Variants in ZFP30 observed in about 807,000 individuals in gnomAD.
The protein encoded by ZFP30 is zinc finger protein 30 homolog.
A neutral mutation model predicts 12.3 loss-of-function variants in ZFP30; 16 were observed. The observed-to-expected ratio is 1.30, with a 90% CI of 0.88 to 1.98. The LOEUF (loss-of-function observed/expected upper bound fraction) is 1.98, where lower values mean the gene tolerates loss of function less well. Among genes scored for constraint, ZFP30 ranks in the 30% most tolerant of loss-of-function variants. ZFP30 has a pLI of 0.00. For missense variants in ZFP30, 560 were observed against 611.2 expected (o/e 0.92, Z 0.88); for synonymous variants, 172 against 201.0 (o/e 0.86, Z 1.22).
intron 3 of ZFP30, 61 bp from the exon 4 acceptor site, chr19:37,644,797 A>G: frequency 1.3e-6 from 2 of 1,548,720 alleles, no homozygotes. Flanking sequence ...AAGATGGAAG[A>G]AGGTGGCTGG....
At chr19:37,650,437 T>C (rs1277009074) in intron 2 of ZFP30, among the ~76,000 whole-genome samples, 2 of 152,152 alleles carry the variant, frequency 1.3e-5, no homozygotes, top group African/African-American at 4.8e-5. Context: ...TTATCACTTA[T>C]ACCTGAACAA....
intron 5 of ZFP30, among the ~76,000 whole-genome samples, chr19:37,640,198 G>A (rs1858542582): frequency 6.6e-6 from 1 of 151,972 alleles, no homozygotes; most frequent in Admixed American, 6.6e-5. Context: ...TTACATTCCT[G>A]TTCTACTTCA....
At chr19:37,654,589 G>T (rs1178543395) in intron 2 of ZFP30, 123 bp downstream of exon 2, 5 of 152,138 alleles carry the variant, frequency 3.3e-5, no homozygotes, top group African/African-American at 1.2e-4. Flanking sequence ...GTCCCCTGCC[G>T]TTAACTAGGT....
Position 37,632,301 on chromosome 19 carries a change from T to C in ZFP30, c.*2680A>G, listed in dbSNP as rs2044246251. ...TAGTGTGTGTATAAATATAAATATA[T>C]ATACCTACACACTATACACACACAC... On this transcript the variant is annotated 3_prime_UTR_variant, in exon 6 of 6. Coordinates refer to ENST00000684514, the MANE Select transcript of ZFP30 (RefSeq NM_001320669.3). The C allele has an allele frequency of 6.6e-6, 1 of 152,056 alleles. No homozygotes were observed. Among genetic ancestry groups the C allele is most frequent in the African/African-American group, 2.4e-5 (1 of 41,416 alleles). The allele number at this position is 152,056 out of a possible 1,614,324, so 9.4% of individuals were successfully genotyped here.
At chr19:37,655,321 C>G (rs1445494621) in intron 1 of ZFP30, 99 bp downstream of exon 1, 9 of 152,400 alleles carry the variant, frequency 5.9e-5, no homozygotes, top group African/African-American at 2.2e-4. Flanking sequence ...AACCTTTTCT[C>G]CACCTTGGCC....
At chr19:37,637,164 G>A (rs574611890) in intron 5 of ZFP30, among the ~76,000 whole-genome samples, 91 of 139,254 alleles carry the variant, frequency 6.5e-4, no homozygotes, top group Admixed American at 1.2e-3. Context: ...TATATCCTTT[G>A]TTTTCTATCC....
chr19:37,651,579 A>AAC (rs2044653255), intron 2 of ZFP30: 1 of 151,830 alleles, frequency 6.6e-6, no homozygotes, highest in Non-Finnish European at 1.5e-5. Flanking sequence ...CCATCTCAAA[A>AAC]AAAAAAAAAA....
intron 5 of ZFP30, among the ~76,000 whole-genome samples, chr19:37,640,441 T>C (rs2044411586): frequency 6.7e-6 from 1 of 149,798 alleles, no homozygotes; most frequent in Non-Finnish European, 1.5e-5. Context: ...TATTAACTAA[T>C]AAAATTAATA....
At chr19:37,652,759 A>G (rs1262065298) in intron 2 of ZFP30, among the ~76,000 whole-genome samples, 1 of 152,182 alleles carries the variant, frequency 6.6e-6, no homozygotes, top group East Asian at 1.9e-4. Flanking sequence ...GTCATCAGAA[A>G]TATTTTAAAA....
In ZFP30 at chr19:37,635,174, T is replaced by C; in HGVS notation, c.1367A>G (p.His456Arg). ...CTTTTCACCAGTATGAATACTTTGA[T>C]GTTGGGTAAGTTGTGAAAGCAGTCT... is the stretch of plus-strand genomic sequence containing the variant. ...TFRLLSQLTQ[H>R]QSIHTGEKPY... Residue 456 changes from histidine (H) to arginine (R), a missense_variant, in exon 6 of 6, where the codon CAT (histidine) becomes CGT (arginine). By Grantham distance (29) the His-to-Arg change is conservative. Transcript: ENST00000684514. 1 of 1,612,246 alleles carries C rather than the reference T, an allele frequency of 6.2e-7. No homozygotes were observed. The highest frequency in any genetic ancestry group is 8.5e-7 in the Non-Finnish European group (1 of 1,178,960).
Position 37,635,657 on chromosome 19 carries a change from T to C in ZFP30, c.884A>G (p.Glu295Gly), listed in dbSNP as rs550953131. 6.2e-7 allele frequency: 1 copy of C among 1,614,188 alleles called. No homozygotes were observed. The highest frequency in any genetic ancestry group is 1.1e-5 in the South Asian group (1 of 91,078). ...LTRHQRLNIA[E>G]KCYECKECGQ... ...ACATTCCTTACACTCATAGCACTTC[T>C]CAGCAATGTTCAGTCTCTGATGTCG... The change falls in exon 6 of 6, where the codon GAG (glutamate) becomes GGG (glycine). Residue 295 changes from glutamate (E) to glycine (G), a missense_variant. By Grantham distance (98) the Glu-to-Gly change is moderately conservative (BLOSUM62 -2). Coordinates refer to ENST00000684514, the MANE Select transcript of ZFP30 (RefSeq NM_001320669.3).
rs1445604283 is a variant in ZFP30 at position 37,632,040 on chromosome 19, T to TA, written c.*2940dup. 1 of 151,988 alleles carries TA rather than the reference T, an allele frequency of 6.6e-6. No homozygotes were observed. The highest frequency in any genetic ancestry group is 1.5e-5 in the Non-Finnish European group (1 of 67,960). The allele number at this position is 151,988 out of a possible 1,614,324, so 9.4% of individuals were successfully genotyped here. ...ACCAATTCTTCAAAGATTTTACTTG[T>TA]AAAAAATTAGGTTCTCGGAGTCTCT... On this transcript the variant is annotated 3_prime_UTR_variant, in exon 6 of 6. Transcript: ENST00000684514.
chr19:37,636,014 T>C lies in ZFP30; in HGVS notation c.527A>G (p.His176Arg), dbSNP rs762168527. The change falls in exon 6 of 6, where the codon CAT (histidine) becomes CGT (arginine). Residue 176 changes from histidine (H) to arginine (R), a missense_variant. Physicochemically the swap from His to Arg is conservative, Grantham distance 29. Transcript: ENST00000684514. ...TTTCTCACCAGTATGAATTCTTTGA[T>C]GGAAAGTAAGTTGTTGTCGTACTCT... ...AFRVRQQLTF[H>R]QRIHTGEKPY... 1.2e-6 allele frequency: 2 copies of C among 1,614,226 alleles called. No homozygotes were observed. The highest frequency in any genetic ancestry group is 1.7e-6 in the Non-Finnish European group (2 of 1,180,032).
intron 5 of ZFP30, among the ~76,000 whole-genome samples, chr19:37,639,549 C>T (rs1292776126): frequency 1.3e-5 from 2 of 151,956 alleles, no homozygotes; most frequent in African/African-American, 2.4e-5. Context: ...GCCAGGAAGT[C>T]AAGACCAGCC....
At position 37,631,028 on chromosome 19, in the gene ZFP30, T is replaced by C. The variant is rs1182238529; in HGVS notation, c.*3953A>G. ...GTATAGTGTTGATTCAGAAATTTTA[T>C]TTCTGCAGAAAAGCAACAGTTCAAT... On this transcript the variant is annotated 3_prime_UTR_variant, in exon 6 of 6. Transcript: ENST00000684514. 1 of 152,366 alleles carries C rather than the reference T, an allele frequency of 6.6e-6. No homozygotes were observed. Among genetic ancestry groups the C allele is most frequent in the East Asian group, 1.9e-4 (1 of 5,188 alleles). The allele number at this position is 152,366 out of a possible 1,614,324, so 9.4% of individuals were successfully genotyped here.
At chr19:37,638,382 T>A (rs1490954782) in intron 5 of ZFP30, among the ~76,000 whole-genome samples, 3 of 152,242 alleles carry the variant, frequency 2.0e-5, no homozygotes, top group Non-Finnish European at 4.4e-5. Context: ...AACAACAGGT[T>A]TATACTATGG....
chr19:37,636,194 T>C lies in ZFP30; in HGVS notation c.347A>G (p.Glu116Gly), dbSNP rs752952049. 13 of 1,614,182 alleles carry C rather than the reference T, an allele frequency of 8.1e-6. No individual in the cohort carries two copies. The highest frequency in any genetic ancestry group is 1.6e-4 in the Middle Eastern group (1 of 6,062). The change falls in exon 6 of 6, where the codon GAA becomes GGA. Residue 116 changes from glutamate to glycine, a missense_variant. By Grantham distance (98) the Glu-to-Gly change is moderately conservative. Coordinates refer to ENST00000684514, the MANE Select transcript of ZFP30 (RefSeq NM_001320669.3). ...MERIKSCGLE[E>G]QESPHEVCFR... The stretch of plus-strand genomic sequence containing the variant: ...ACACACCTCATGAGGACTTTCTTGT[T>C]CTTCAAGTCCACAGCTTTTAATTCT...
chr19:37,655,264 A>C (rs2044731737), intron 1 of ZFP30, 156 bp downstream of exon 1: 2 of 152,326 alleles, frequency 1.3e-5, no homozygotes, highest in African/African-American at 4.8e-5. Context: ...AGGGCTGCAG[A>C]AGCTCAGTCC....
chr19:37,647,670 C>T, intron 3 of ZFP30, 144 bp downstream of exon 3: 1 of 970,032 alleles, frequency 1.0e-6, no homozygotes, highest in Non-Finnish European at 1.6e-6. Flanking sequence ...ATCTGGCTGG[C>T]TCCATCCCGT....
Sources: gnomAD v4.1 joint callset for allele counts (sites outside exome capture counted in the v4.1 genomes callset) on GRCh38, gnomAD v4.1.1 for gene constraint, MANE v1.5 for transcripts, NCBI Gene and HGNC (gene_info 2026-07-23, HGNC 2026-07-21) for gene names.